Variants in CUBN observed in about 807,000 individuals in gnomAD.
CUBN encodes 460 kDa receptor.
Under a neutral mutation model 405.3 loss-of-function variants are expected in CUBN, and 282 were observed. The observed-to-expected ratio is 0.70, with a 90% CI of 0.63 to 0.77. The LOEUF (loss-of-function observed/expected upper bound fraction) is 0.77. Among genes scored for constraint, CUBN ranks in the 30% least tolerant of loss-of-function variants. CUBN has a pLI of 0.00. For synonymous variants in CUBN, 1,684 were observed against 1,617.0 expected (o/e 1.04, Z -0.99); for missense variants, 4,514 against 4,475.2 (o/e 1.01, Z -0.25).
intron 13 of CUBN, 135 bp downstream of exon 13, chr10:17,102,990 C>A (rs1836532581): frequency 1.5e-6 from 1 of 688,678 alleles, no homozygotes; most frequent in Admixed American, 2.1e-5. Flanking sequence ...AATAATGGCA[C>A]TCCGTACTTA....
intron 58 of CUBN, among the ~76,000 whole-genome samples, chr10:16,871,626 A>C (rs1247163623): frequency 6.6e-6 from 1 of 152,108 alleles, no homozygotes; most frequent in African/African-American, 2.4e-5. Context: ...TAGCTAGATA[A>C]TTTCCAACAA....
chr10:16,945,694 G>A (rs566103980), intron 36 of CUBN, among the ~76,000 whole-genome samples: 11 of 150,768 alleles, frequency 7.3e-5, no homozygotes, highest in African/African-American at 9.8e-5. Flanking sequence ...CTTAAACCCC[G>A]GAGGCGACGT....
rs1322798739 is a variant in CUBN, at chr10:16,901,331, C to T, written c.8184+7G>A. The T allele has an allele frequency of 3.1e-6, 5 of 1,614,096 alleles. No homozygotes were observed. Among genetic ancestry groups the T allele is most frequent in the Non-Finnish European group, 3.4e-6 (4 of 1,179,974 alleles). On this transcript the variant is annotated splice_region_variant and intron_variant, in intron 52 of 66. Transcript: ENST00000377833. ...CAGAAGCATTTCACCCAGTCATTAG[C>T]ACTCACAGTGATGGTGTGCCCTTGT...
chr10:16,988,921 G>A (rs541499074), intron 29 of CUBN, among the ~76,000 whole-genome samples: 2 of 152,282 alleles, frequency 1.3e-5, no homozygotes, highest in South Asian at 2.1e-4. Flanking sequence ...CTCATGGAAC[G>A]ATTTAATGTT....
In CUBN at chr10:16,925,202, G is replaced by T. The variant is rs376449614; in HGVS notation, c.6646+39C>A. ...TTATATCAAAGAAGATCAAGCAATTGCAGGAAAAGCAGATATAATTCTCAG... is the reference window on the plus strand; with the variant it reads ...TTATATCAAAGAAGATCAAGCAATTTCAGGAAAAGCAGATATAATTCTCAG... On this transcript the variant is annotated intron_variant, in intron 43 of 66. Coordinates refer to ENST00000377833, the MANE Select transcript of CUBN (RefSeq NM_001081.4). 92 of 1,539,616 alleles carry T rather than the reference G, an allele frequency of 6.0e-5. 1 individual carries two copies. In the African/African-American group the frequency reaches 8.2e-4, roughly 14 times the overall value.
intron 27 of CUBN, among the ~76,000 whole-genome samples, chr10:17,029,468 AT>A: frequency 6.6e-6 from 1 of 152,356 alleles, no homozygotes; most frequent in East Asian, 1.9e-4. Flanking sequence ...TCGCTAACTA[AT>A]GGATATACTT....
At chr10:17,079,928 C>A (rs184591012) in intron 17 of CUBN, among the ~76,000 whole-genome samples, 1 of 152,196 alleles carries the variant, frequency 6.6e-6, no homozygotes, top group East Asian at 1.9e-4. Flanking sequence ...GCTGCTTAGG[C>A]TGAAGCAGGA....
intron 65 of CUBN, among the ~76,000 whole-genome samples, chr10:16,829,335 C>G (rs1439140886): frequency 1.1e-5 from 1 of 94,972 alleles, no homozygotes; most frequent in African/African-American, 5.3e-5. Flanking sequence ...GGGTTGAGAG[C>G]AGAATGGAAA....
chr10:16,864,738 C>T (rs950687397), intron 59 of CUBN, among the ~76,000 whole-genome samples: 2 of 149,718 alleles, frequency 1.3e-5, no homozygotes, highest in African/African-American at 4.9e-5. Flanking sequence ...ACAACCTTCA[C>T]CTCCCAGGTT....
chr10:16,837,148 G>T (rs772974044), intron 62 of CUBN, among the ~76,000 whole-genome samples: 5 of 151,832 alleles, frequency 3.3e-5, no homozygotes, highest in Admixed American at 6.6e-5. Context: ...TAACTTTGCT[G>T]TATCCTGTGA....
chr10:17,023,526 G>A lies in CUBN; in HGVS notation c.4018-3543C>T, dbSNP rs562076347. ...ACCCAAAACCACACAAAAAGGAACA[G>A]TCATTTTTCAAAGTATACAAATACA... On this transcript the variant is annotated intron_variant, in intron 27 of 66. Transcript: ENST00000377833. 3.4e-4 allele frequency: 147 copies of A among 437,960 alleles called. 1 individual carries two copies. The highest frequency in any genetic ancestry group is 2.3e-3 in the South Asian group (142 of 62,526). 27.1% of individuals were successfully genotyped at this position (437,960 alleles called of 1,614,324 possible). A position where few individuals can be genotyped will look rare whatever the true frequency, so the allele number is the denominator to read the frequency against.
chr10:16,832,842 C>T (rs1839050085), intron 64 of CUBN, among the ~76,000 whole-genome samples: 1 of 152,136 alleles, frequency 6.6e-6, no homozygotes. Flanking sequence ...CAGACATTTC[C>T]GTTCCCACCG....
chr10:16,914,964 T>C (rs1841842151), intron 47 of CUBN, 68 bp downstream of exon 47: 3 of 1,367,380 alleles, frequency 2.2e-6, no homozygotes, highest in South Asian at 2.4e-5. Context: ...ATTTTAACAC[T>C]GGTGCCTAGC....
At chr10:17,062,071 C>T (rs912689943) in intron 22 of CUBN, among the ~76,000 whole-genome samples, 1 of 152,170 alleles carries the variant, frequency 6.6e-6, no homozygotes, top group Admixed American at 6.6e-5. Context: ...GCCACCCATG[C>T]GCGGAGATAC....
At chr10:17,017,891 CA>C (rs1834378321) in intron 28 of CUBN, among the ~76,000 whole-genome samples, 2 of 152,102 alleles carry the variant, frequency 1.3e-5, no homozygotes, top group Admixed American at 1.3e-4. Flanking sequence ...ACCCAGGAGG[CA>C]AGGGTCAGGA....
At chr10:17,099,594 A>G (rs1836452049) in intron 14 of CUBN, among the ~76,000 whole-genome samples, 3 of 152,198 alleles carry the variant, frequency 2.0e-5, no homozygotes, top group Non-Finnish European at 4.4e-5. Context: ...CATGCCTGTA[A>G]TCCCAGCACT....
intron 15 of CUBN, among the ~76,000 whole-genome samples, chr10:17,086,508 AAGAC>A (rs1836112769): frequency 6.6e-6 from 1 of 152,186 alleles, no homozygotes; most frequent in Non-Finnish European, 1.5e-5. Flanking sequence ...ACACAACAGA[AAGAC>A]AGGTTAGTGA....
chr10:16,824,892 C>T lies in CUBN; in HGVS notation c.*83G>A, dbSNP rs1396986631. On this transcript the variant is annotated 3_prime_UTR_variant, in exon 67 of 67. Coordinates refer to ENST00000377833, the MANE Select transcript of CUBN (RefSeq NM_001081.4). ...TTCAGCTTATTCTCTGTGGCATCAG[C>T]AGGGGTCATGTATCAGGATGGCAGA... 4.4e-6 allele frequency: 4 copies of T among 913,088 alleles called. No homozygotes were observed. The highest frequency in any genetic ancestry group is 7.2e-6 in the Non-Finnish European group (4 of 551,984). 56.6% of individuals were successfully genotyped at this position (913,088 alleles called of 1,614,324 possible).
chr10:16,938,065 G>A (rs1404449245), intron 38 of CUBN, among the ~76,000 whole-genome samples: 1 of 152,118 alleles, frequency 6.6e-6, no homozygotes, highest in Non-Finnish European at 1.5e-5. Context: ...AGTAAAATTT[G>A]TGGATGGAAA....
Sources: gnomAD v4.1 joint callset for allele counts (sites outside exome capture counted in the v4.1 genomes callset) on GRCh38, gnomAD v4.1.1 for gene constraint, MANE v1.5 for transcripts, NCBI Gene and HGNC (gene_info 2026-07-23, HGNC 2026-07-21) for gene names.